The following SLC2A13 variants were observed in gnomAD, a reference collection of about 807,000 sequenced individuals.
SLC2A13 encodes the protein proton myo-inositol cotransporter.
A neutral mutation model predicts 64.4 loss-of-function variants in SLC2A13; 32 were observed. That is an observed-to-expected ratio of 0.50 (90% CI 0.37 to 0.67). The LOEUF (loss-of-function observed/expected upper bound fraction) is 0.67. Among genes scored for constraint, SLC2A13 ranks in the 30% least tolerant of loss-of-function variants. SLC2A13 has a pLI of 0.00. For synonymous variants in SLC2A13, 338 were observed against 327.1 expected (o/e 1.03, Z -0.36); for missense variants, 743 against 829.2 (o/e 0.90, Z 1.28).
chr12:39,935,080 T>TCA (rs1288122532), intron 4 of SLC2A13, among the ~76,000 whole-genome samples: 1 of 152,206 alleles, frequency 6.6e-6, no homozygotes, highest in Non-Finnish European at 1.5e-5. Flanking sequence ...ATGGAAATCT[T>TCA]CAGTGTTGAA....
intron 1 of SLC2A13, among the ~76,000 whole-genome samples, chr12:40,063,753 T>C (rs2136256783): frequency 6.6e-6 from 1 of 152,252 alleles, no homozygotes; most frequent in South Asian, 2.1e-4. Flanking sequence ...CAAATCCAAA[T>C]ATGTTAAAGA....
At chr12:40,021,206 G>A (rs576217848) in intron 3 of SLC2A13, among the ~76,000 whole-genome samples, 12 of 152,184 alleles carry the variant, frequency 7.9e-5, no homozygotes, top group East Asian at 3.9e-4. Context: ...TTCTTCTCCC[G>A]TGAGTATGCT....
intron 3 of SLC2A13, among the ~76,000 whole-genome samples, chr12:39,998,730 T>C (rs896775433): frequency 6.6e-6 from 1 of 152,162 alleles, no homozygotes; most frequent in South Asian, 2.1e-4. Context: ...CTGTAGACTT[T>C]TGAGTTAATG....
rs553081283 is a variant in SLC2A13, at chr12:39,888,722, T to C, written c.1035-16761A>G. Among the ~76,000 whole-genome samples the C allele has an allele frequency of 1.8e-4, 27 of 152,336 alleles. 1 individual carries two copies. The highest frequency in any genetic ancestry group is 1.3e-3 in the Admixed American group (20 of 15,294). On this transcript the variant is annotated intron_variant, in intron 4 of 9. Transcript: ENST00000280871. ...TACAATGGCATAACATCAAAGAAGTTTGTCAACACAGACAATCTTTTGAAT... is the reference window on the plus strand; with the variant it reads ...TACAATGGCATAACATCAAAGAAGTCTGTCAACACAGACAATCTTTTGAAT...
intron 1 of SLC2A13, among the ~76,000 whole-genome samples, chr12:40,101,063 G>A (rs985606359): frequency 4.0e-5 from 6 of 150,310 alleles, no homozygotes; most frequent in Admixed American, 1.3e-4. Flanking sequence ...GACTTTTCAC[G>A]TTTAAAAAGT....
At chr12:39,910,579 T>C (rs1373448725) in intron 4 of SLC2A13, among the ~76,000 whole-genome samples, 3 of 152,062 alleles carry the variant, frequency 2.0e-5, no homozygotes, top group Non-Finnish European at 4.4e-5. Flanking sequence ...CCATCTGTTA[T>C]GGCAGAGGAA....
chr12:40,085,901 G>A (rs1451934024), intron 1 of SLC2A13, among the ~76,000 whole-genome samples: 1 of 151,596 alleles, frequency 6.6e-6, no homozygotes, highest in Non-Finnish European at 1.5e-5. Flanking sequence ...TTGAGACAGA[G>A]TCTCGCTCTG....
At chr12:40,055,936 G>A (rs1436170340) in intron 1 of SLC2A13, among the ~76,000 whole-genome samples, 2 of 150,354 alleles carry the variant, frequency 1.3e-5, no homozygotes, top group East Asian at 3.9e-4. Flanking sequence ...AAGATATTAA[G>A]CTGCTTGCAT....
chr12:39,988,709 GGAAGGAAGGAAGGAAGGAA>G (rs1947078700), intron 3 of SLC2A13, among the ~76,000 whole-genome samples: 1 of 110,746 alleles, frequency 9.0e-6, no homozygotes, highest in Non-Finnish European at 1.8e-5. Flanking sequence ...AAGGAAGGAA[GGAAGGAAGGAAGGAAGGAA>G]GGGGGGGAGG....
intron 7 of SLC2A13, among the ~76,000 whole-genome samples, chr12:39,765,642 TTGA>T (rs1393470023): frequency 6.6e-6 from 1 of 152,106 alleles, no homozygotes; most frequent in African/African-American, 2.4e-5. Context: ...TCCACCTGTC[TTGA>T]TGATTTGGGT....
intron 7 of SLC2A13, among the ~76,000 whole-genome samples, chr12:39,825,291 G>A (rs901380852): frequency 5.3e-5 from 8 of 151,922 alleles, no homozygotes; most frequent in African/African-American, 9.7e-5. Flanking sequence ...GTAGGGAGGC[G>A]GATAAATAGA....
intron 4 of SLC2A13, among the ~76,000 whole-genome samples, chr12:39,894,463 T>A (rs1944688768): frequency 6.6e-6 from 1 of 152,126 alleles, no homozygotes; most frequent in Non-Finnish European, 1.5e-5. Flanking sequence ...ACTTACTCAA[T>A]ATAAAGAGAA....
At chr12:40,099,836 A>G (rs1037288438) in intron 1 of SLC2A13, among the ~76,000 whole-genome samples, 5 of 152,156 alleles carry the variant, frequency 3.3e-5, no homozygotes, top group Non-Finnish European at 5.9e-5. Flanking sequence ...AGTAGGAAGC[A>G]TAAATCCAAT....
At chr12:39,777,229 A>G (rs4768178) in intron 7 of SLC2A13, among the ~76,000 whole-genome samples, 149,266 of 152,338 alleles carry the variant, frequency 0.98, 73,138 homozygotes, top group East Asian at 1. Context: ...GGGTGAAAAG[A>G]AGAGACCGGA....
At chr12:40,051,400 A>T (rs1948251470) in intron 1 of SLC2A13, among the ~76,000 whole-genome samples, 1 of 152,212 alleles carries the variant, frequency 6.6e-6, no homozygotes, top group African/African-American at 2.4e-5. Flanking sequence ...TCCATTAATC[A>T]GTGAGTATTC....
intron 6 of SLC2A13, among the ~76,000 whole-genome samples, chr12:39,862,894 C>A (rs770569497): frequency 6.6e-6 from 1 of 152,082 alleles, no homozygotes; most frequent in Non-Finnish European, 1.5e-5. Flanking sequence ...TTTAAAATAA[C>A]TAATACAGTC....
At chr12:39,895,487 C>T (rs1176545406) in intron 4 of SLC2A13, among the ~76,000 whole-genome samples, 1 of 25,336 alleles carries the variant, frequency 3.9e-5, no homozygotes, top group East Asian at 1.5e-3. Context: ...GAGACTCTGT[C>T]TCAAAAAAAA....
chr12:39,761,304 A>ATCT (rs1304501703), intron 9 of SLC2A13, among the ~76,000 whole-genome samples: 1 of 152,002 alleles, frequency 6.6e-6, no homozygotes, highest in African/African-American at 2.4e-5. Context: ...GATTCTGTAA[A>ATCT]TCTTACAGCC....
intron 6 of SLC2A13, among the ~76,000 whole-genome samples, chr12:39,862,444 T>G (rs914010770): frequency 1.3e-5 from 2 of 152,220 alleles, no homozygotes; most frequent in African/African-American, 2.4e-5. Context: ...CATAGGCACT[T>G]AACTTTTATT....
Sources: allele counts gnomAD v4.1 joint callset (sites outside exome capture counted in the v4.1 genomes callset), GRCh38; gene constraint gnomAD v4.1.1; transcripts MANE v1.5; gene names NCBI Gene and HGNC (gene_info 2026-07-23, HGNC 2026-07-21).